Variants in PCDHA6 observed in about 807,000 individuals in gnomAD.
PCDHA6 encodes the protein protocadherin alpha-6.
A neutral mutation model predicts 60.3 loss-of-function variants in PCDHA6; 55 were observed. The ratio of observed to expected loss-of-function variants is 0.91; its 90% CI spans 0.73 to 1.14. The LOEUF is 1.14. PCDHA6 is among the 50% of genes most tolerant of loss of function. The probability of loss-of-function intolerance (pLI) is 0.00; values close to 1 mark genes in which losing one functional copy is unlikely to be tolerated. For synonymous variants in PCDHA6, 652 were observed against 557.9 expected, an observed-to-expected ratio of 1.17 and a Z score of -2.38; for missense variants, 1,327 against 1,256.5, an observed-to-expected ratio of 1.06 and a Z score of -0.85.
chr5:140,993,786 C>G (rs2097581960), intron 3 of PCDHA6, among the ~76,000 whole-genome samples: 1 of 152,162 alleles, frequency 6.6e-6, no homozygotes, highest in Admixed American at 6.5e-5. Flanking sequence ...TGTACAGTAA[C>G]ATGCTGTGCA....
chr5:140,956,434 T>G (rs1554222427), intron 1 of PCDHA6, among the ~76,000 whole-genome samples: 1 of 152,236 alleles, frequency 6.6e-6, no homozygotes, highest in Non-Finnish European at 1.5e-5. Flanking sequence ...TTAGTTCTGC[T>G]TATGTGATGA....
Position 140,924,728 on chromosome 5 carries a change from C to G in PCDHA6, c.2395-54221C>G, listed in dbSNP as rs191622894. Among the ~76,000 whole-genome samples, 1,223 of 151,892 alleles carry G rather than the reference C, an allele frequency of 8.1e-3. 6 individuals carry two copies. The highest frequency in any genetic ancestry group is 0.019 in the African/African-American group (789 of 41,420). ...TGTGCAACATGGCGAAACCTCACCT[C>G]TAATAAAAATACAAAAATTAACCGA... On this transcript the variant is annotated intron_variant, in intron 1 of 3. Transcript: ENST00000529310.
chr5:140,903,172 C>T (rs2070066511), intron 1 of PCDHA6, among the ~76,000 whole-genome samples: 1 of 152,152 alleles, frequency 6.6e-6, no homozygotes, highest in Non-Finnish European at 1.5e-5. Flanking sequence ...GGTTTACATT[C>T]CCACCAATAG....
intron 1 of PCDHA6, among the ~76,000 whole-genome samples, chr5:140,892,806 A>G (rs1262963314): frequency 2.6e-5 from 4 of 152,228 alleles, no homozygotes; most frequent in African/African-American, 7.2e-5. Flanking sequence ...ATAGTTAACC[A>G]TATTTATCCT....
intron 3 of PCDHA6, among the ~76,000 whole-genome samples, chr5:141,003,556 A>G (rs1183434751): frequency 6.6e-6 from 1 of 152,034 alleles, no homozygotes; most frequent in Non-Finnish European, 1.5e-5. Flanking sequence ...CAAGTGATCC[A>G]CCTGCCTCAG....
At chr5:140,983,740 C>A (rs1250895126) in intron 3 of PCDHA6, among the ~76,000 whole-genome samples, 1 of 152,190 alleles carries the variant, frequency 6.6e-6, no homozygotes, top group African/African-American at 2.4e-5. Context: ...GGCTGGCTTG[C>A]AATAATCCAT....
At chr5:140,862,646 C>A (rs2047467861) in intron 1 of PCDHA6, 1 of 541,802 alleles carries the variant, frequency 1.8e-6, no homozygotes, top group Admixed American at 1.9e-5. Flanking sequence ...TTCACAGTGT[C>A]CGCGCGGGAC....
At chr5:140,857,001 A>T in intron 1 of PCDHA6, 1 of 1,595,350 alleles carries the variant, frequency 6.3e-7, no homozygotes, top group Non-Finnish European at 8.6e-7. Flanking sequence ...TATGAAATTC[A>T]TGTAGATGTT....
intron 1 of PCDHA6, among the ~76,000 whole-genome samples, chr5:140,904,057 G>T (rs1043471579): frequency 6.6e-6 from 1 of 151,986 alleles, no homozygotes; most frequent in Non-Finnish European, 1.5e-5. Context: ...ATTTCAATGG[G>T]TTTTTGGGGA....
intron 1 of PCDHA6, chr5:140,853,901 CCTGA>C: frequency 1.0e-6 from 1 of 961,464 alleles, no homozygotes; most frequent in African/African-American, 1.8e-5. Flanking sequence ...GATGTGGTGG[CCTGA>C]CACCTGCAAT....
chr5:140,870,509 C>T, intron 1 of PCDHA6: 2 of 1,614,230 alleles, frequency 1.2e-6, no homozygotes, highest in Non-Finnish European at 1.7e-6. Context: ...AACAACCCAC[C>T]AGGCTGCCAC....
intron 1 of PCDHA6, 79 bp downstream of exon 1, chr5:140,830,564 T>A: frequency 1.0e-6 from 1 of 986,290 alleles, no homozygotes; most frequent in South Asian, 3.1e-5. Flanking sequence ...CTTCTATATT[T>A]CTGTTTTTAA....
chr5:140,894,113 G>C (rs1239376474), intron 1 of PCDHA6, among the ~76,000 whole-genome samples: 1 of 152,072 alleles, frequency 6.6e-6, no homozygotes, highest in Non-Finnish European at 1.5e-5. Context: ...TTGCAGATGA[G>C]AAGTTTCAAA....
intron 1 of PCDHA6, chr5:140,848,367 G>T: frequency 9.1e-7 from 1 of 1,100,452 alleles, no homozygotes; most frequent in Non-Finnish European, 1.3e-6. Context: ...TGGGAAAGAG[G>T]CTCAATTCTT....
At chr5:140,850,141 T>G in intron 1 of PCDHA6, 1 of 1,595,586 alleles carries the variant, frequency 6.3e-7, no homozygotes, top group Non-Finnish European at 8.6e-7. Context: ...GGCAGCAACG[T>G]GACGCTGCAG....
intron 1 of PCDHA6, chr5:140,876,942 G>C (rs370156477): frequency 6.2e-7 from 1 of 1,613,660 alleles, no homozygotes; most frequent in South Asian, 1.1e-5. Flanking sequence ...ACGCGCTGGT[G>C]TCCTACTCGC....
intron 1 of PCDHA6, among the ~76,000 whole-genome samples, chr5:140,932,493 T>A (rs148938081): frequency 6.6e-6 from 1 of 152,006 alleles, no homozygotes; most frequent in East Asian, 1.9e-4. Context: ...CTTTGCAATG[T>A]CATTTGTTAA....
At chr5:140,881,239 A>G in intron 1 of PCDHA6, 1 of 370,812 alleles carries the variant, frequency 2.7e-6, no homozygotes. Flanking sequence ...AGTCAATTTA[A>G]ATGACGGCAA....
At chr5:140,986,583 T>C (rs1265983211) in intron 3 of PCDHA6, among the ~76,000 whole-genome samples, 1 of 152,170 alleles carries the variant, frequency 6.6e-6, no homozygotes, top group African/African-American at 2.4e-5. Flanking sequence ...TTTTTCCAGC[T>C]CCTCTTTCTA....
Sources: gnomAD v4.1 joint callset for allele counts (sites outside exome capture counted in the v4.1 genomes callset) on GRCh38, gnomAD v4.1.1 for gene constraint, MANE v1.5 for transcripts, NCBI Gene and HGNC (gene_info 2026-07-23, HGNC 2026-07-21) for gene names.